Variants in RCAN2 observed in about 807,000 individuals in gnomAD.
RCAN2 encodes calcipressin-2.
RCAN2 carries 9 observed loss-of-function variants against 23.6 expected under a neutral mutation model. That is an observed-to-expected ratio of 0.38 (90% CI 0.23 to 0.67). RCAN2 has a LOEUF of 0.67. Ranked by LOEUF, RCAN2 falls within the 30% of genes least tolerant of loss-of-function variation. The pLI, the probability that RCAN2 is intolerant of heterozygous loss-of-function variation, is 0.51. For synonymous variants in RCAN2, 109 were observed against 115.7 expected (o/e 0.94, Z 0.37); for missense variants, 273 against 302.3 (o/e 0.90, Z 0.72).
At chr6:46,260,682 A>G (rs1416922591) in intron 2 of RCAN2, among the ~76,000 whole-genome samples, 1 of 152,190 alleles carries the variant, frequency 6.6e-6, no homozygotes, top group East Asian at 1.9e-4. Flanking sequence ...GGCACTCACC[A>G]GAGGCTATGG....
At chr6:46,481,044 C>A (rs542802405) in intron 1 of RCAN2, among the ~76,000 whole-genome samples, 1 of 152,308 alleles carries the variant, frequency 6.6e-6, no homozygotes, top group African/African-American at 2.4e-5. Context: ...ATAGTCAGTT[C>A]ATTTTACCAC....
chr6:46,255,952 A>C (rs932353477), intron 2 of RCAN2, among the ~76,000 whole-genome samples: 2 of 152,214 alleles, frequency 1.3e-5, no homozygotes, highest in African/African-American at 4.8e-5. Context: ...GCGAGGGAAT[A>C]AGCATTGCTC....
chr6:46,228,690 C>T (rs1414521137), intron 4 of RCAN2, among the ~76,000 whole-genome samples: 1 of 152,104 alleles, frequency 6.6e-6, no homozygotes, highest in Non-Finnish European at 1.5e-5. Flanking sequence ...AGATGGGTCT[C>T]CTGAATACAG....
At chr6:46,283,657 A>T (rs530209299) in intron 2 of RCAN2, among the ~76,000 whole-genome samples, 54 of 152,296 alleles carry the variant, frequency 3.5e-4, no homozygotes, top group Admixed American at 2.1e-3. Context: ...GACTGCCTTG[A>T]TGGTGGGTTG....
intron 2 of RCAN2, among the ~76,000 whole-genome samples, chr6:46,386,610 C>CA (rs142110760): frequency 0.69 from 63,121 of 91,952 alleles, 23,143 homozygotes; most frequent in Non-Finnish European, 0.81. Context: ...CTCTGTCTCA[C>CA]AAAAAAAAAA....
intron 2 of RCAN2, among the ~76,000 whole-genome samples, chr6:46,430,313 G>T (rs1470168728): frequency 2.0e-5 from 3 of 152,138 alleles, no homozygotes; most frequent in Admixed American, 2.0e-4. Context: ...TGAGGGAGAA[G>T]GAGAGCTTCT....
intron 2 of RCAN2, among the ~76,000 whole-genome samples, chr6:46,407,800 C>A (rs943674462): frequency 7.2e-5 from 11 of 152,098 alleles, no homozygotes; most frequent in African/African-American, 2.4e-4. Context: ...GGTGAGATTG[C>A]ATAATTTTGC....
intron 2 of RCAN2, chr6:46,438,300 C>T (rs1767429546): frequency 6.6e-6 from 1 of 152,242 alleles, no homozygotes; most frequent in East Asian, 1.9e-4. Flanking sequence ...GCCATTGAAG[C>T]ATGGCAGTCA....
chr6:46,317,687 G>C (rs770212010), intron 2 of RCAN2, among the ~76,000 whole-genome samples: 3 of 152,034 alleles, frequency 2.0e-5, no homozygotes, highest in Non-Finnish European at 4.4e-5. Flanking sequence ...GGATGGTCTC[G>C]ATCTCCTGAC....
intron 2 of RCAN2, among the ~76,000 whole-genome samples, chr6:46,352,489 C>T (rs1364842511): frequency 1.3e-5 from 2 of 152,138 alleles, no homozygotes; most frequent in African/African-American, 2.4e-5. Context: ...GAGGCTTCAT[C>T]GGCCTCTCCC....
rs1344623530 is a variant in RCAN2 at position 46,451,814 on chromosome 6, G to T, written c.225+4938C>A. 2.0e-5 allele frequency among the ~76,000 whole-genome samples: 3 copies of T among 152,172 alleles called. No individual in the cohort carries two copies. The East Asian group carries it at 5.8e-4, about 29-fold the overall frequency. Reference sequence around the variant, plus strand: ...TATTTACAAGACACACAAAGACTAAGAGAACAGCAGAGCCAGGTCTTTCAC... The same window carrying T: ...TATTTACAAGACACACAAAGACTAATAGAACAGCAGAGCCAGGTCTTTCAC... On this transcript the variant is annotated intron_variant, in intron 2 of 4. Coordinates refer to ENST00000371374, the MANE Select transcript of RCAN2 (RefSeq NM_001251974.2).
At chr6:46,414,059 T>G (rs1766628477) in intron 2 of RCAN2, among the ~76,000 whole-genome samples, 2 of 152,156 alleles carry the variant, frequency 1.3e-5, no homozygotes. Flanking sequence ...GGCCAATCTG[T>G]AGGGACTCTG....
intron 2 of RCAN2, among the ~76,000 whole-genome samples, chr6:46,301,215 A>G (rs1762895307): frequency 1.3e-5 from 2 of 152,044 alleles, no homozygotes; most frequent in African/African-American, 2.4e-5. Context: ...ATACCCTACT[A>G]ACATAAAACC....
chr6:46,276,689 T>C (rs903317711), intron 2 of RCAN2, among the ~76,000 whole-genome samples: 2 of 152,188 alleles, frequency 1.3e-5, no homozygotes, highest in Non-Finnish European at 2.9e-5. Flanking sequence ...AGCTCGTACA[T>C]AAGGACTTTA....
intron 2 of RCAN2, among the ~76,000 whole-genome samples, chr6:46,299,733 G>A (rs1762841975): frequency 6.6e-6 from 1 of 151,990 alleles, no homozygotes; most frequent in East Asian, 1.9e-4. Context: ...GAAGATAAGT[G>A]AATACAACCT....
At chr6:46,389,891 G>A (rs972394077) in intron 2 of RCAN2, among the ~76,000 whole-genome samples, 5 of 152,094 alleles carry the variant, frequency 3.3e-5, no homozygotes, top group African/African-American at 1.2e-4. Context: ...TCTAAAGGAA[G>A]GCTGACAAAA....
At chr6:46,263,537 GTATGTGTGTGTGTGTGTGTGTGTA>G (rs1767207679) in intron 2 of RCAN2, among the ~76,000 whole-genome samples, 3 of 62,566 alleles carry the variant, frequency 4.8e-5, no homozygotes, top group East Asian at 4.0e-4. Context: ...GTGTGTGTGT[GTATGTGTGTGTGTGTGTGTGTGTA>G]TGTGTGTGTG....
intron 2 of RCAN2, among the ~76,000 whole-genome samples, chr6:46,425,522 G>T (rs1464573652): frequency 6.6e-6 from 1 of 152,158 alleles, no homozygotes; most frequent in African/African-American, 2.4e-5. Context: ...CTGTATTCTA[G>T]TGAAGATATA....
At position 46,353,187 on chromosome 6, in the gene RCAN2, T is replaced by C. The variant is rs1056760388; in HGVS notation, c.225+103565A>G. ...AATGAGGGGAGTTTGCCAAAGTTCA[T>C]CTCCAGCTCAGGCATCTCTGGATCC... On this transcript the variant is annotated intron_variant, in intron 2 of 4. Coordinates refer to ENST00000371374, the MANE Select transcript of RCAN2 (RefSeq NM_001251974.2). Among the ~76,000 whole-genome samples, 65 of 152,284 alleles carry C rather than the reference T, an allele frequency of 4.3e-4. 1 individual carries two copies. Among genetic ancestry groups the C allele is most frequent in the Admixed American group, 4.1e-3 (62 of 15,298 alleles).
Sources: allele counts gnomAD v4.1 joint callset (sites outside exome capture counted in the v4.1 genomes callset), GRCh38; gene constraint gnomAD v4.1.1; transcripts MANE v1.5; gene names NCBI Gene and HGNC (gene_info 2026-07-23, HGNC 2026-07-21).